Variants in MIA3 observed in about 807,000 individuals in gnomAD.
The protein encoded by MIA3 is transport and Golgi organization protein 1 homolog.
Under a neutral mutation model 192.4 loss-of-function variants are expected in MIA3, and 90 were observed. The ratio of observed to expected loss-of-function variants is 0.47; its 90% CI spans 0.39 to 0.56. MIA3 has a LOEUF of 0.56. MIA3 is among the 20% of genes least tolerant of loss of function. The pLI, the probability that MIA3 is intolerant of heterozygous loss-of-function variation, is 0.00. For synonymous variants in MIA3, 740 were observed against 792.8 expected (o/e 0.93, Z 1.12); for missense variants, 2,123 against 2,269.4 (o/e 0.94, Z 1.31).
At chr1:222,659,242 A>G in intron 19 of MIA3, 1 of 563,156 alleles carries the variant, frequency 1.8e-6, no homozygotes, top group Non-Finnish European at 3.1e-6. Flanking sequence ...ATTGTAATAT[A>G]TCAACTCAAT....
intron 24 of MIA3, chr1:222,661,254 T>C (rs1172916687): frequency 1.3e-5 from 2 of 152,392 alleles, no homozygotes; most frequent in African/African-American, 4.8e-5. Context: ...ATGACACTAC[T>C]AGAAAAAGTT....
At chr1:222,644,271 T>G (rs1340423403) in intron 6 of MIA3, 10 of 1,383,430 alleles carry the variant, frequency 7.2e-6, no homozygotes, top group Middle Eastern at 2.7e-4. Flanking sequence ...GCTCCTTTGG[T>G]GCCTTGAGGT....
In MIA3 at chr1:222,629,587, A is replaced by T; in HGVS notation, c.2367A>T (p.Glu789Asp). The part of the protein sequence containing the change: ...KQETSMILDS[E>D]KTSETAAKGV... ...AAACTAGTATGATTTTGGATAGCGA[A>T]AAAACAAGTGAGACTGCTGCCAAAG... The change falls in exon 4 of 28, where the codon GAA (glutamate) becomes GAT (aspartate). Residue 789 changes from glutamate (E) to aspartate (D), a missense_variant. By Grantham distance (45) the Glu-to-Asp change is conservative. Transcript: ENST00000344922. 1 of 1,614,078 alleles carries T rather than the reference A, an allele frequency of 6.2e-7. No individual in the cohort carries two copies. The highest frequency in any genetic ancestry group is 1.1e-5 in the South Asian group (1 of 91,082).
Position 222,658,719 on chromosome 1 carries a change from T to C in MIA3, c.4608-3T>C. The C allele has an allele frequency of 6.2e-7, 1 of 1,601,092 alleles. No individual in the cohort carries two copies. Among genetic ancestry groups the C allele is most frequent in the Non-Finnish European group, 8.5e-7 (1 of 1,174,512 alleles). On this transcript the variant is annotated splice_polypyrimidine_tract_variant and splice_region_variant and intron_variant, in intron 18 of 27. Transcript: ENST00000344922. ...CTTTCATTGACAACCAGTTTTATCTTAGGAAACTGAGTCAAGAAGAGTATG... is the reference window on the plus strand; with the variant it reads ...CTTTCATTGACAACCAGTTTTATCTCAGGAAACTGAGTCAAGAAGAGTATG...
chr1:222,636,615 C>T (rs950347280), intron 6 of MIA3, among the ~76,000 whole-genome samples: 6 of 150,146 alleles, frequency 4.0e-5, no homozygotes, highest in Admixed American at 1.3e-4. Context: ...CGGGTTCAAG[C>T]GATTCTCCTG....
chr1:222,660,290 A>C lies in MIA3; in HGVS notation c.5089A>C (p.Arg1697=). ...ACCTCTCTCTGCTACTCTCAATCGA[A>C]GAGATATGCCTAGAAGTGAATTTGG... is the stretch of plus-strand genomic sequence containing the variant. ...VRPLSATLNR[R]DMPRSEFGSV... The change falls in exon 24 of 28, where the codon AGA becomes CGA. Residue 1697 remains arginine, a synonymous_variant. Coordinates refer to ENST00000344922, the MANE Select transcript of MIA3 (RefSeq NM_198551.4). 4 of 1,613,786 alleles carry C rather than the reference A, an allele frequency of 2.5e-6. No individual in the cohort carries two copies. The highest frequency in any genetic ancestry group is 3.4e-6 in the Non-Finnish European group (4 of 1,179,862).
At chr1:222,658,905 G>A (rs1663868708) in intron 19 of MIA3, 82 bp downstream of exon 19, 1 of 857,342 alleles carries the variant, frequency 1.2e-6, no homozygotes, top group Non-Finnish European at 1.9e-6. Context: ...GCATAAATAA[G>A]TGGTTAGAGG....
intron 13 of MIA3, among the ~76,000 whole-genome samples, chr1:222,652,598 C>A (rs1411581521): frequency 6.6e-6 from 1 of 152,126 alleles, no homozygotes; most frequent in Non-Finnish European, 1.5e-5. Flanking sequence ...ACTTGAGTAG[C>A]CTCGAGTGGG....
At chr1:222,652,156 T>C (rs2124907530) in intron 12 of MIA3, 72 bp from the exon 13 acceptor site, 2 of 1,398,856 alleles carry the variant, frequency 1.4e-6, no homozygotes, top group Non-Finnish European at 2.0e-6. Flanking sequence ...AACTACATGA[T>C]GTTGGGTTGG....
rs1400626933 is a variant in MIA3 at position 222,666,061 on chromosome 1, A to G, written c.*442A>G. Reference sequence around the variant, plus strand: ...GGTCACAAAGACTGTTACGCTAAAAATGTTTACTAAAAGATCACTAAACTA... The same window carrying G: ...GGTCACAAAGACTGTTACGCTAAAAGTGTTTACTAAAAGATCACTAAACTA... On this transcript the variant is annotated 3_prime_UTR_variant, in exon 28 of 28. Transcript: ENST00000344922. The G allele has an allele frequency of 6.5e-6, 1 of 152,798 alleles. No individual in the cohort carries two copies. The highest frequency in any genetic ancestry group is 1.5e-5 in the Non-Finnish European group (1 of 68,478). The allele number at this position is 152,798 out of a possible 1,614,324, so 9.5% of individuals were successfully genotyped here. A position where few individuals can be genotyped will look rare whatever the true frequency, so the allele number is the denominator to read the frequency against.
At chr1:222,622,260 T>A (rs1661906494) in intron 2 of MIA3, among the ~76,000 whole-genome samples, 1 of 152,214 alleles carries the variant, frequency 6.6e-6, no homozygotes, top group Admixed American at 6.5e-5. Context: ...TGCTTTGGTA[T>A]TTTTAATGAG....
chr1:222,653,416 C>A, intron 15 of MIA3, 77 bp downstream of exon 15: 1 of 872,048 alleles, frequency 1.1e-6, no homozygotes, highest in Non-Finnish European at 1.9e-6. Flanking sequence ...TTTCAGCTGG[C>A]TGCATTTCCT....
In MIA3 at chr1:222,629,562, A is replaced by G. The variant is rs1448496043; in HGVS notation, c.2342A>G (p.Glu781Gly). Reference protein sequence around the residue: ...PDPEIEESKQETSMILDSEKT... With the variant: ...PDPEIEESKQGTSMILDSEKT... ...CCAGAAATTGAAGAAAGCAAGCAAG[A>G]AACTAGTATGATTTTGGATAGCGAA... The change falls in exon 4 of 28, where the codon GAA becomes GGA. Residue 781 changes from glutamate (E) to glycine (G), a missense_variant. This residue lies in a region of MIA3 where 1,357 missense variants were observed against 1,396.1 expected (regional missense o/e 0.97). Coordinates refer to ENST00000344922, the MANE Select transcript of MIA3 (RefSeq NM_198551.4). The G allele has an allele frequency of 6.2e-7, 1 of 1,614,036 alleles. No individual in the cohort carries two copies. Among genetic ancestry groups the G allele is most frequent in the South Asian group, 1.1e-5 (1 of 91,078 alleles).
chr1:222,620,326 G>A (rs1661799590), intron 1 of MIA3, among the ~76,000 whole-genome samples: 1 of 152,204 alleles, frequency 6.6e-6, no homozygotes, highest in Admixed American at 6.5e-5. Context: ...GCTTCAGCCA[G>A]TTTCTAGATC....
chr1:222,647,130 A>C (rs1412905949), intron 7 of MIA3, among the ~76,000 whole-genome samples: 1 of 152,214 alleles, frequency 6.6e-6, no homozygotes, highest in Non-Finnish European at 1.5e-5. Context: ...TATTTTACTC[A>C]GAAAATATCT....
chr1:222,659,101 C>A (rs1663878830), intron 19 of MIA3: 1 of 413,632 alleles, frequency 2.4e-6, no homozygotes, highest in Non-Finnish European at 4.3e-6. Context: ...AGTGATTTTG[C>A]CATTTGATAG....
chr1:222,654,419 G>T lies in MIA3; in HGVS notation c.4408G>T (p.Asp1470Tyr), dbSNP rs774966919. The T allele has an allele frequency of 6.2e-7, 1 of 1,613,840 alleles. No individual in the cohort carries two copies. Among genetic ancestry groups the T allele is most frequent in the Non-Finnish European group, 8.5e-7 (1 of 1,179,958 alleles). ...TQTAISVVEE[D>Y]LKLLQLKLRA... ...GACTGCAATATCGGTAGTTGAAGAG[G>T]ATCTAAAGCTTTTACAGCTTAAGCT... Residue 1470 changes from aspartate to tyrosine, a missense_variant, in exon 17 of 28, where the codon GAT becomes TAT. Physicochemically the swap from Asp to Tyr is radical, Grantham distance 160. Around this residue, in one of 3 missense-constraint regions of MIA3, gnomAD observed 762 missense variants for 856.4 expected, o/e 0.89. Coordinates refer to ENST00000344922, the MANE Select transcript of MIA3 (RefSeq NM_198551.4).
intron 1 of MIA3, among the ~76,000 whole-genome samples, chr1:222,620,725 C>T (rs1661816867): frequency 6.6e-6 from 1 of 152,194 alleles, no homozygotes. Flanking sequence ...TTCCCTATTA[C>T]CCGTTCATGT....
chr1:222,629,189 T>C lies in MIA3; in HGVS notation c.1969T>C (p.Trp657Arg), dbSNP rs1662273385. The change falls in exon 4 of 28, where the codon TGG becomes CGG. Residue 657 changes from tryptophan to arginine, a missense_variant. By Grantham distance (101) the Trp-to-Arg change is moderately radical. Around this residue, in one of 3 missense-constraint regions of MIA3, gnomAD observed 1,357 missense variants for 1,396.1 expected, o/e 0.97. Coordinates refer to ENST00000344922, the MANE Select transcript of MIA3 (RefSeq NM_198551.4). Reference protein sequence around the residue: ...EVPILGRNLPWQQERDVAATA... With the variant: ...EVPILGRNLPRQQERDVAATA... Reference sequence around the variant, plus strand: ...TCCCATTCTGGGAAGAAATCTTCCCTGGCAACAAGAAAGAGATGTGGCTGC... The same window carrying C: ...TCCCATTCTGGGAAGAAATCTTCCCCGGCAACAAGAAAGAGATGTGGCTGC... 2 of 1,614,142 alleles carry C rather than the reference T, an allele frequency of 1.2e-6. No individual in the cohort carries two copies. The highest frequency in any genetic ancestry group is 1.7e-6 in the Non-Finnish European group (2 of 1,180,016).
Sources: gnomAD v4.1 joint callset for allele counts (sites outside exome capture counted in the v4.1 genomes callset) on GRCh38, gnomAD v4.1.1 for gene constraint, gnomAD v4.1.1 regional missense constraint, MANE v1.5 for transcripts, NCBI Gene and HGNC (gene_info 2026-07-23, HGNC 2026-07-21) for gene names.